ACADL: variants seen among roughly 807,000 people sequenced by gnomAD.
ACADL encodes the protein acyl-CoA dehydrogenase long chain.
Under a neutral mutation model 56.9 loss-of-function variants are expected in ACADL, and 60 were observed. The ratio of observed to expected loss-of-function variants is 1.05; its 90% CI spans 0.86 to 1.31. ACADL has a LOEUF of 1.31. Ranked by LOEUF, ACADL falls within the 50% of genes most tolerant of loss-of-function variation. ACADL has a pLI of 0.00. For synonymous variants in ACADL, 158 were observed against 179.7 expected, an observed-to-expected ratio of 0.88 and a Z score of 0.97; for missense variants, 484 against 525.5, an observed-to-expected ratio of 0.92 and a Z score of 0.77.
intron 10 of ACADL, among the ~76,000 whole-genome samples, chr2:210,190,160 T>C (rs1252291374): frequency 6.6e-6 from 1 of 152,078 alleles, no homozygotes; most frequent in Non-Finnish European, 1.5e-5. Context: ...TTCATCAGGG[T>C]TCCTTACAAA....
chr2:210,203,854 T>C (rs1466742709), intron 7 of ACADL, among the ~76,000 whole-genome samples: 1 of 152,152 alleles, frequency 6.6e-6, no homozygotes, highest in African/African-American at 2.4e-5. Context: ...ACTGTCTTCA[T>C]TATATATATG....
intron 4 of ACADL, among the ~76,000 whole-genome samples, chr2:210,214,509 A>AAGAAAGAAAG (rs1553690970): frequency 0.027 from 512 of 18,888 alleles, 1 homozygote; most frequent in African/African-American, 0.041. Context: ...GAAAGAAAGA[A>AAGAAAGAAAG]AAAGAAAGAA....
At chr2:210,205,572 T>A (rs976168506) in intron 6 of ACADL, 60 bp downstream of exon 6, 23 of 1,542,028 alleles carry the variant, frequency 1.5e-5, no homozygotes, top group Non-Finnish European at 1.9e-5. Context: ...TATGTAAGTC[T>A]CCTATCTGAT....
intron 8 of ACADL, among the ~76,000 whole-genome samples, chr2:210,197,416 A>C (rs1688727984): frequency 6.6e-6 from 1 of 152,160 alleles, no homozygotes; most frequent in African/African-American, 2.4e-5. Context: ...TAGGTCAAAT[A>C]TCTACCCTTT....
At chr2:210,205,911 C>T in intron 5 of ACADL, 115 bp from the exon 6 acceptor site, 2 of 1,222,538 alleles carry the variant, frequency 1.6e-6, no homozygotes, top group Non-Finnish European at 2.4e-6. Flanking sequence ...ATGCTTGATA[C>T]CTCTCTCTGT....
intron 1 of ACADL, among the ~76,000 whole-genome samples, chr2:210,221,945 GT>G (rs199809770): frequency 0.017 from 2,606 of 152,166 alleles, 50 homozygotes; most frequent in African/African-American, 0.057. Flanking sequence ...GACCAGGTTG[GT>G]TTTGAACTCC....
At chr2:210,197,210 T>C (rs1688724393) in intron 8 of ACADL, among the ~76,000 whole-genome samples, 1 of 152,158 alleles carries the variant, frequency 6.6e-6, no homozygotes, top group Non-Finnish European at 1.5e-5. Context: ...TATTTCACCC[T>C]GTTCTAGAAA....
At chr2:210,202,026 C>T (rs1392514082) in intron 8 of ACADL, among the ~76,000 whole-genome samples, 1 of 152,154 alleles carries the variant, frequency 6.6e-6, no homozygotes, top group Admixed American at 6.6e-5. Flanking sequence ...CACCCTTCTG[C>T]AACACCTCCA....
chr2:210,204,228 A>T (rs1361564102), intron 7 of ACADL, among the ~76,000 whole-genome samples: 2 of 152,224 alleles, frequency 1.3e-5, no homozygotes, highest in African/African-American at 4.8e-5. Context: ...GTTATTATTT[A>T]AAAACTGGCA....
intron 5 of ACADL, among the ~76,000 whole-genome samples, chr2:210,209,258 T>A (rs1367830895): frequency 6.6e-6 from 1 of 152,168 alleles, no homozygotes; most frequent in Non-Finnish European, 1.5e-5. Flanking sequence ...TTTAGAACAG[T>A]AAATAAAATG....
chr2:210,212,450 G>A (rs1222001491), intron 4 of ACADL, among the ~76,000 whole-genome samples: 1 of 152,152 alleles, frequency 6.6e-6, no homozygotes, highest in African/African-American at 2.4e-5. Context: ...AGAAATAGAA[G>A]AGGAAAGGAG....
intron 1 of ACADL, 117 bp from the exon 2 acceptor site, chr2:210,220,919 AAG>A: frequency 1.2e-6 from 1 of 848,394 alleles, no homozygotes; most frequent in African/African-American, 1.7e-5. Flanking sequence ...GGCAAGTAGA[AAG>A]AGTTTGAATT....
rs1688656492 is a variant in ACADL, at chr2:210,192,836, A to G, written c.1167T>C (p.Gly389=). 2.5e-6 allele frequency: 4 copies of G among 1,613,838 alleles called. No individual in the cohort carries two copies. The highest frequency in any genetic ancestry group is 1.7e-4 in the Middle Eastern group (1 of 6,058). The change falls in exon 10 of 11, where the codon GGT becomes GGC. Residue 389 remains glycine (G), a synonymous_variant. Coordinates refer to ENST00000233710, the MANE Select transcript of ACADL (RefSeq NM_001608.4). ...VAYDCVQLHG[G]WGYMWEYPIA... is the part of the protein sequence containing the mutation. ...TTGGGTACTCCCACATGTATCCCCA[A>G]CCTCCATGGAGCTGTACACAGTCGT... is the stretch of plus-strand genomic sequence containing the variant.
At chr2:210,210,371 TA>T in intron 4 of ACADL, 109 bp from the exon 5 acceptor site, 1 of 802,100 alleles carries the variant, frequency 1.2e-6, no homozygotes, top group Non-Finnish European at 2.0e-6. Flanking sequence ...TACACCATTA[TA>T]AAATTGCTGA....
Position 210,206,928 on chromosome 2 carries a change from G to A in ACADL, c.604-1132C>T, listed in dbSNP as rs548668594. On this transcript the variant is annotated intron_variant, in intron 5 of 10. Coordinates refer to ENST00000233710, the MANE Select transcript of ACADL (RefSeq NM_001608.4). ...TGGACCTGAATAAGTACTTGCTTCT[G>A]GATAGTTCCACCTGATGACTCATGG... Among the ~76,000 whole-genome samples, 42 of 152,076 alleles carry A rather than the reference G, an allele frequency of 2.8e-4. No individual in the cohort carries two copies. In the South Asian group the frequency reaches 8.7e-3, roughly 32 times the overall value.
chr2:210,192,487 CAAAAT>C (rs918147488), intron 10 of ACADL, among the ~76,000 whole-genome samples: 17 of 151,794 alleles, frequency 1.1e-4, no homozygotes, highest in African/African-American at 1.9e-4. Flanking sequence ...GAGACTGTCT[CAAAAT>C]AAAATAAAAA....
intron 4 of ACADL, among the ~76,000 whole-genome samples, chr2:210,215,826 T>C (rs1689076545): frequency 6.6e-6 from 1 of 152,208 alleles, no homozygotes; most frequent in African/African-American, 2.4e-5. Context: ...TACAAATATA[T>C]ATACTTGCTT....
chr2:210,194,399 C>T (rs181857999), intron 9 of ACADL, among the ~76,000 whole-genome samples: 6 of 152,178 alleles, frequency 3.9e-5, no homozygotes, highest in Admixed American at 2.0e-4. Context: ...TTCTAAGTTA[C>T]TCTTGGGCTA....
chr2:210,195,923 C>G (rs76658573), intron 8 of ACADL, among the ~76,000 whole-genome samples: 2 of 152,184 alleles, frequency 1.3e-5, no homozygotes, highest in East Asian at 3.9e-4. Flanking sequence ...AGATCAAAAT[C>G]CAGTACCCTC....
Sources: gnomAD v4.1 joint callset for allele counts (sites outside exome capture counted in the v4.1 genomes callset) on GRCh38, gnomAD v4.1.1 for gene constraint, MANE v1.5 for transcripts, NCBI Gene and HGNC (gene_info 2026-07-23, HGNC 2026-07-21) for gene names.